The following RELN variants were observed in gnomAD, a reference collection of about 807,000 sequenced individuals.
RELN encodes the protein reelin.
Under a neutral mutation model 427.6 loss-of-function variants are expected in RELN, and 108 were observed. The ratio of observed to expected loss-of-function variants is 0.25; its 90% CI spans 0.22 to 0.30. The LOEUF is 0.30. Ranked by LOEUF, RELN falls within the 10% of genes least tolerant of loss-of-function variation. The pLI is 1.00. For synonymous variants in RELN, 1,524 were observed against 1,513.4 expected, an observed-to-expected ratio of 1.01 and a Z score of -0.16; for missense variants, 3,715 against 4,302.8, an observed-to-expected ratio of 0.86 and a Z score of 3.82.
chr7:103,966,335 C>T (rs1211393495), intron 1 of RELN, among the ~76,000 whole-genome samples: 1 of 152,156 alleles, frequency 6.6e-6, no homozygotes, highest in Non-Finnish European at 1.5e-5. Context: ...TTCACACACA[C>T]CACACTCACC....
Position 103,503,066 on chromosome 7 carries a change from A to G in RELN, c.8439T>C (p.Thr2813=). 2 of 1,614,172 alleles carry G rather than the reference A, an allele frequency of 1.2e-6. No homozygotes were observed. The highest frequency in any genetic ancestry group is 1.7e-6 in the Non-Finnish European group (2 of 1,180,026). ...SVSQPSVFFP[T]KGWKRITYPL... ...GGTAGGTGATCCTTTTCCACCCTTT[A>G]GTTGGAAAGAATACAGATGGCTGAG... is the stretch of plus-strand genomic sequence containing the variant. Residue 2813 remains threonine, a synonymous_variant, in exon 52 of 65, where the codon ACT becomes ACC. Coordinates refer to ENST00000428762, the MANE Select transcript of RELN (RefSeq NM_005045.4).
chr7:103,568,107 C>A (rs573919522), intron 31 of RELN, among the ~76,000 whole-genome samples: 1 of 152,314 alleles, frequency 6.6e-6, no homozygotes, highest in South Asian at 2.1e-4. Flanking sequence ...AATTCTAACT[C>A]TTTTGGAAAA....
intron 6 of RELN, among the ~76,000 whole-genome samples, chr7:103,735,008 C>T (rs1429431446): frequency 6.6e-6 from 1 of 152,044 alleles, no homozygotes; most frequent in Non-Finnish European, 1.5e-5. Context: ...ACCCCTTTGG[C>T]TATATATATT....
intron 58 of RELN, 90 bp from the exon 59 acceptor site, chr7:103,490,919 TTAAAA>T (rs1282037774): frequency 7.5e-7 from 1 of 1,324,782 alleles, no homozygotes; most frequent in African/African-American, 1.4e-5. Flanking sequence ...TCGGGTTAAA[TTAAAA>T]TATTTGTATA....
rs935578893 is a variant in RELN, at chr7:103,552,120, C to G, written c.6073-824G>C. Among the ~76,000 whole-genome samples the G allele has an allele frequency of 1.2e-4, 18 of 152,322 alleles. No homozygotes were observed. In the East Asian group the frequency reaches 3.3e-3, roughly 28 times the overall value. On this transcript the variant is annotated intron_variant, in intron 40 of 64. Coordinates refer to ENST00000428762, the MANE Select transcript of RELN (RefSeq NM_005045.4). ...TCTTCCCACATCCTTCTCCTCCCCA[C>G]CCTGGTATCCACCAGTGTATTCTGT... is the stretch of plus-strand genomic sequence containing the variant.
chr7:103,862,464 T>TCA (rs1563057172), intron 2 of RELN, among the ~76,000 whole-genome samples: 8 of 147,016 alleles, frequency 5.4e-5, no homozygotes. Flanking sequence ...TCTATCTATC[T>TCA]ATCTTCTCAA....
chr7:103,739,578 T>C (rs1484192979), intron 6 of RELN, among the ~76,000 whole-genome samples: 1 of 152,216 alleles, frequency 6.6e-6, no homozygotes, highest in Non-Finnish European at 1.5e-5. Context: ...TCCAGAGGTA[T>C]AGTGCTTGTG....
chr7:103,515,843 GT>G (rs954702815), intron 49 of RELN, among the ~76,000 whole-genome samples: 16 of 152,126 alleles, frequency 1.1e-4, no homozygotes, highest in African/African-American at 3.9e-4. Context: ...CTGGCACCTT[GT>G]TTTCACTCTG....
chr7:103,519,603 G>C, intron 48 of RELN, 87 bp from the exon 49 acceptor site: 3 of 925,500 alleles, frequency 3.2e-6, no homozygotes, highest in Non-Finnish European at 3.3e-6. Flanking sequence ...TTTTTTTTGA[G>C]ACAGGGTCTT....
intron 57 of RELN, among the ~76,000 whole-genome samples, chr7:103,493,093 A>G (rs1209093186): frequency 6.6e-6 from 1 of 152,206 alleles, no homozygotes; most frequent in East Asian, 1.9e-4. Context: ...TGTGCTGCTT[A>G]GAGATATGCT....
At chr7:103,860,859 T>C (rs1794056859) in intron 2 of RELN, among the ~76,000 whole-genome samples, 1 of 152,180 alleles carries the variant, frequency 6.6e-6, no homozygotes, top group Non-Finnish European at 1.5e-5. Flanking sequence ...TCAACATAAC[T>C]TTGCTATGAA....
chr7:103,641,857 A>G (rs1395643773), intron 16 of RELN, among the ~76,000 whole-genome samples: 1 of 152,148 alleles, frequency 6.6e-6, no homozygotes, highest in Non-Finnish European at 1.5e-5. Flanking sequence ...TTGTTTTCCC[A>G]GCACACTTGA....
At chr7:103,697,648 T>C (rs548244944) in intron 10 of RELN, among the ~76,000 whole-genome samples, 16 of 152,180 alleles carry the variant, frequency 1.1e-4, no homozygotes, top group Non-Finnish European at 2.4e-4. Flanking sequence ...TCAAAAATAC[T>C]TGTTAAATGA....
intron 28 of RELN, among the ~76,000 whole-genome samples, chr7:103,582,859 C>A (rs2096187376): frequency 6.6e-6 from 1 of 152,156 alleles, no homozygotes; most frequent in African/African-American, 2.4e-5. Context: ...AACTCTCAAT[C>A]TCTATGGTTT....
In RELN at chr7:103,472,107, G is replaced by A. The variant is rs997335471; in HGVS notation, c.*705C>T. ...CAAGGAAATGGGAACTTATTTGTGG[G>A]AGATAGGGTCTTCATCCACAATTTA... On this transcript the variant is annotated 3_prime_UTR_variant, in exon 65 of 65. Transcript: ENST00000428762. The A allele has an allele frequency of 6.6e-6, 1 of 152,402 alleles. No individual in the cohort carries two copies. Among genetic ancestry groups the A allele is most frequent in the Admixed American group, 6.5e-5 (1 of 15,272 alleles). The allele number at this position is 152,402 out of a possible 1,614,324, so 9.4% of individuals were successfully genotyped here. A position where few individuals can be genotyped will look rare whatever the true frequency, so the allele number is the denominator to read the frequency against.
chr7:103,474,120 A>G (rs972961005), intron 64 of RELN, among the ~76,000 whole-genome samples: 4 of 152,316 alleles, frequency 2.6e-5, no homozygotes, highest in South Asian at 2.1e-4. Flanking sequence ...ATACTTAGGC[A>G]TATTATACTA....
At position 103,489,904 on chromosome 7, in the gene RELN, A is replaced by C; in HGVS notation, c.9606-5T>G. 2.5e-6 allele frequency: 4 copies of C among 1,614,068 alleles called. No homozygotes were observed. Among genetic ancestry groups the C allele is most frequent in the Non-Finnish European group, 3.4e-6 (4 of 1,179,994 alleles). ...ATCCAGCGGAACTGTGTTGCACTGA[A>C]AGAACCACAGAGAGCAGAAGGGATT... On this transcript the variant is annotated splice_region_variant and splice_polypyrimidine_tract_variant and intron_variant, in intron 59 of 64. Transcript: ENST00000428762.
At chr7:103,654,507 A>C (rs185228235) in intron 12 of RELN, among the ~76,000 whole-genome samples, 2 of 152,244 alleles carry the variant, frequency 1.3e-5, no homozygotes, top group East Asian at 3.9e-4. Flanking sequence ...CACATTAAAA[A>C]GATGTGTTCT....
rs138381561 is a variant in RELN at position 103,827,136 on chromosome 7, A to T, written c.473+6401T>A. On this transcript the variant is annotated intron_variant, in intron 3 of 64. Transcript: ENST00000428762. The stretch of plus-strand genomic sequence containing the variant: ...ACTATTTGCTGCGGCATAAAATTCC[A>T]TAGAAACAGGTACATCTTTGGACTG... Among the ~76,000 whole-genome samples, 744 of 152,150 alleles carry T rather than the reference A, an allele frequency of 4.9e-3. 7 individuals carry two copies. Among genetic ancestry groups the T allele is most frequent in the African/African-American group, 0.017 (708 of 41,538 alleles).
Sources: gnomAD v4.1 joint callset for allele counts (sites outside exome capture counted in the v4.1 genomes callset) on GRCh38, gnomAD v4.1.1 for gene constraint, MANE v1.5 for transcripts, NCBI Gene and HGNC (gene_info 2026-07-23, HGNC 2026-07-21) for gene names.